UBR2: variants seen among roughly 807,000 people sequenced by gnomAD.
UBR2 encodes the protein ubiquitin protein ligase E3 component n-recognin 2.
UBR2 carries 92 observed loss-of-function variants against 247.9 expected under a neutral mutation model. That is an observed-to-expected ratio of 0.37 (90% CI 0.31 to 0.44). The LOEUF (loss-of-function observed/expected upper bound fraction) is 0.44. Among genes scored for constraint, UBR2 ranks in the 20% least tolerant of loss-of-function variants. The pLI is 1.00. For synonymous variants in UBR2, 672 were observed against 693.5 expected, an observed-to-expected ratio of 0.97 and a Z score of 0.49; for missense variants, 1,613 against 2,112.6, an observed-to-expected ratio of 0.76 and a Z score of 4.64.
chr6:42,687,449 G>C (rs184408322), intron 44 of UBR2, among the ~76,000 whole-genome samples: 55 of 152,342 alleles, frequency 3.6e-4, no homozygotes, highest in Middle Eastern at 3.4e-3. Flanking sequence ...GTCCAGCCTC[G>C]GCTCGGCATC....
At chr6:42,640,296 G>T in intron 16 of UBR2, 26 bp downstream of exon 16, 1 of 1,558,598 alleles carries the variant, frequency 6.4e-7, no homozygotes, top group South Asian at 1.2e-5. Flanking sequence ...ATTTAAAAGT[G>T]AATACTTATT....
intron 3 of UBR2, among the ~76,000 whole-genome samples, 195 bp from the exon 4 acceptor site, chr6:42,593,996 C>T (rs1206854229): frequency 6.6e-6 from 1 of 152,148 alleles, no homozygotes; most frequent in South Asian, 2.1e-4. Flanking sequence ...TTTGAAATCA[C>T]TTAGATTAGC....
At chr6:42,636,856 G>T (rs1313232382) in intron 14 of UBR2, among the ~76,000 whole-genome samples, 155 bp from the exon 15 acceptor site, 1 of 152,026 alleles carries the variant, frequency 6.6e-6, no homozygotes, top group Non-Finnish European at 1.5e-5. Flanking sequence ...TGAGATGAGG[G>T]ACACTGGAAG....
intron 46 of UBR2, 138 bp from the exon 47 acceptor site, chr6:42,690,894 A>C: frequency 9.2e-7 from 1 of 1,084,458 alleles, no homozygotes; most frequent in East Asian, 2.5e-5. Context: ...GTTAATAGCC[A>C]CAGTCACCTG....
At chr6:42,613,977 C>G (rs147982930) in intron 8 of UBR2, among the ~76,000 whole-genome samples, 3,527 of 151,108 alleles carry the variant, frequency 0.023, 125 homozygotes, top group African/African-American at 0.081. Flanking sequence ...GAGTTCAAGA[C>G]CAGCCTGGCC....
In UBR2 at chr6:42,659,731, T is replaced by G. The variant is rs762848912; in HGVS notation, c.3318T>G (p.Val1106=). 1.2e-6 allele frequency: 2 copies of G among 1,614,008 alleles called. No homozygotes were observed. The highest frequency in any genetic ancestry group is 2.7e-5 in the African/African-American group (2 of 74,906). ...QTQVPEQRQF[V]TCILCQEEQE... ...AGGTTCCTGAACAAAGACAATTCGT[T>G]ACATGTATATTGTGTCAAGAGGAGC... is the stretch of plus-strand genomic sequence containing the variant. The change falls in exon 30 of 47, where the codon GTT becomes GTG. Residue 1106 remains valine, a synonymous_variant. Transcript: ENST00000372901. This position sits in a 1 kb window ranked among gnomAD's most constrained non-coding sequence, Gnocchi z 4.3.
intron 43 of UBR2, among the ~76,000 whole-genome samples, chr6:42,684,150 A>G (rs1221145164): frequency 6.6e-6 from 1 of 152,238 alleles, no homozygotes; most frequent in Non-Finnish European, 1.5e-5. Flanking sequence ...AACTAGAAGT[A>G]TACATCAGAA....
chr6:42,617,017 A>C (rs537599214), intron 10 of UBR2, among the ~76,000 whole-genome samples: 1 of 152,292 alleles, frequency 6.6e-6, no homozygotes, highest in Non-Finnish European at 1.5e-5. Flanking sequence ...TGGGCTGGTA[A>C]ACTGCCATTG....
At chr6:42,610,089 A>T (rs1029580394) in intron 7 of UBR2, among the ~76,000 whole-genome samples, 5 of 152,110 alleles carry the variant, frequency 3.3e-5, no homozygotes, top group Non-Finnish European at 7.4e-5. Flanking sequence ...AGGCAGGAGG[A>T]TTGCTTGAGC....
chr6:42,669,343 A>G (rs1479496593), intron 34 of UBR2, among the ~76,000 whole-genome samples: 1 of 152,238 alleles, frequency 6.6e-6, no homozygotes, highest in Non-Finnish European at 1.5e-5. Flanking sequence ...CTAGGCGTTC[A>G]GTAAACCTAT....
chr6:42,605,270 A>G (rs1466967164), intron 5 of UBR2, among the ~76,000 whole-genome samples: 2 of 152,090 alleles, frequency 1.3e-5, no homozygotes, highest in East Asian at 3.9e-4. Flanking sequence ...GGTGAATTGC[A>G]AGATATTTAG....
chr6:42,633,155 C>T (rs1276598864), intron 13 of UBR2, among the ~76,000 whole-genome samples: 2 of 144,706 alleles, frequency 1.4e-5, no homozygotes, highest in African/African-American at 5.3e-5. Context: ...GGGCCCAGGC[C>T]CAGCTTCTTT....
intron 29 of UBR2, 93 bp downstream of exon 29, chr6:42,658,917 C>G (rs1030290708): frequency 2.3e-6 from 3 of 1,277,688 alleles, no homozygotes; most frequent in Middle Eastern, 2.6e-4. Context: ...TACTTTTAAT[C>G]CTAAAGTAAT....
intron 7 of UBR2, among the ~76,000 whole-genome samples, chr6:42,610,286 A>G (rs965959528): frequency 2.4e-4 from 37 of 152,360 alleles, no homozygotes; most frequent in African/African-American, 7.9e-4. Flanking sequence ...GCAATTCCTC[A>G]AAACATTAAA....
At chr6:42,667,357 A>G (rs1378659155) in intron 34 of UBR2, among the ~76,000 whole-genome samples, 2 of 151,254 alleles carry the variant, frequency 1.3e-5, no homozygotes, top group Admixed American at 6.6e-5. Context: ...AAAGAAAAAG[A>G]AAAAACTTCA....
At chr6:42,595,615 C>T (rs1340186372) in intron 4 of UBR2, among the ~76,000 whole-genome samples, 1 of 151,572 alleles carries the variant, frequency 6.6e-6, no homozygotes, top group Non-Finnish European at 1.5e-5. Flanking sequence ...TGTTGTGGCA[C>T]GTGCCTGTGG....
chr6:42,641,787 TATCTATATTA>T, intron 17 of UBR2, 95 bp downstream of exon 17: 1 of 891,860 alleles, frequency 1.1e-6, no homozygotes, highest in Non-Finnish European at 1.7e-6. Flanking sequence ...GAAAGCTGAG[TATCTATATTA>T]AAATTGTTTG....
In UBR2 at chr6:42,673,881, T is replaced by G. The variant is rs781399244; in HGVS notation, c.4177T>G (p.Phe1393Val). The G allele has an allele frequency of 3.0e-5, 48 of 1,611,916 alleles. No homozygotes were observed. The highest frequency in any genetic ancestry group is 3.8e-5 in the Non-Finnish European group (45 of 1,178,726). Residue 1393 changes from phenylalanine (F) to valine (V), a missense_variant, in exon 37 of 47, where the codon TTT (phenylalanine) becomes GTT (valine). Physicochemically the swap from Phe to Val is conservative, Grantham distance 50. This residue lies in a region of UBR2 where 1,524 missense variants were observed against 1,967.3 expected (regional missense o/e 0.77). Transcript: ENST00000372901. ...GGTGCAAGGACATTTTTGTAAACTT[T>G]TTGCATGTGAGTATTAATACATTTA... ...SVVQGHFCKL[F>V]ASLVPNDSHE...
intron 7 of UBR2, among the ~76,000 whole-genome samples, chr6:42,609,258 T>C (rs1793910565): frequency 6.6e-6 from 1 of 152,216 alleles, no homozygotes; most frequent in Non-Finnish European, 1.5e-5. Flanking sequence ...ATACAGTGTG[T>C]TCAGTACAGT....
Sources: allele counts gnomAD v4.1 joint callset (sites outside exome capture counted in the v4.1 genomes callset), GRCh38; gene constraint gnomAD v4.1.1; regional missense constraint gnomAD v4.1.1; non-coding constraint Gnocchi (gnomAD v3.1); transcripts MANE v1.5; gene names NCBI Gene and HGNC (gene_info 2026-07-23, HGNC 2026-07-21).